Variants in RBM33 observed in about 807,000 individuals in gnomAD.
RBM33 encodes the protein RNA binding motif protein 33, also known as RNA-binding protein 33.
Under a neutral mutation model 132.6 loss-of-function variants are expected in RBM33, and 28 were observed. The observed-to-expected ratio is 0.21, with a 90% CI of 0.16 to 0.29. RBM33 has a LOEUF of 0.29. RBM33 is among the 10% of genes least tolerant of loss of function. The pLI, the probability that RBM33 is intolerant of heterozygous loss-of-function variation, is 1.00. For synonymous variants in RBM33, 634 were observed against 593.0 expected, an observed-to-expected ratio of 1.07 and a Z score of -1.01; for missense variants, 1,291 against 1,518.5, an observed-to-expected ratio of 0.85 and a Z score of 2.49.
chr7:155,659,918 C>G (rs900954722), intron 1 of RBM33, among the ~76,000 whole-genome samples: 2 of 152,198 alleles, frequency 1.3e-5, no homozygotes, highest in African/African-American at 4.8e-5. Flanking sequence ...GGCAGCATAA[C>G]TCAAGTCTTT....
chr7:155,661,145 TA>T (rs71522010), intron 1 of RBM33, among the ~76,000 whole-genome samples: 844 of 75,686 alleles, frequency 0.011, 46 homozygotes, highest in African/African-American at 0.042. Context: ...TATATATATA[TA>T]TTTTTTTTTT....
intron 5 of RBM33, among the ~76,000 whole-genome samples, chr7:155,681,738 C>T (rs2116925209): frequency 6.6e-6 from 1 of 152,086 alleles, no homozygotes; most frequent in South Asian, 2.1e-4. Context: ...AGCCCATTTG[C>T]AATGGGAGTA....
At chr7:155,660,230 C>T (rs896263961) in intron 1 of RBM33, among the ~76,000 whole-genome samples, 10 of 152,136 alleles carry the variant, frequency 6.6e-5, no homozygotes, top group Admixed American at 6.5e-4. Flanking sequence ...TGCACCACCA[C>T]ACCCAGCTAA....
chr7:155,745,206 T>G lies in RBM33; in HGVS notation c.2583T>G (p.Phe861Leu). 1 of 1,612,288 alleles carries G rather than the reference T, an allele frequency of 6.2e-7. No homozygotes were observed. Among genetic ancestry groups the G allele is most frequent in the African/African-American group, 1.3e-5 (1 of 75,010 alleles). The stretch of plus-strand genomic sequence containing the variant: ...CCAACGGTAACCCACTGTTGCCCTT[T>G]CCAGGTGCACAGGTCAGACAAAATG... ...SPTNGNPLLP[F>L]PGAQVRQNVK... The change falls in exon 14 of 18, where the codon TTT (phenylalanine) becomes TTG (leucine). Residue 861 changes from phenylalanine (F) to leucine (L), a missense_variant. Physicochemically the swap from Phe to Leu is conservative, Grantham distance 22 (BLOSUM62 0). This residue lies in a region of RBM33 where 841 missense variants were observed against 912.0 expected (regional missense o/e 0.92). Coordinates refer to ENST00000401878, the MANE Select transcript of RBM33 (RefSeq NM_053043.3). This position sits in a 1 kb window ranked among gnomAD's most constrained non-coding sequence, Gnocchi z 4.1.
chr7:155,725,657 AAG>A (rs1800774365), intron 9 of RBM33, among the ~76,000 whole-genome samples: 1 of 152,170 alleles, frequency 6.6e-6, no homozygotes, highest in Non-Finnish European at 1.5e-5. Flanking sequence ...TGCAGAAATA[AAG>A]AGTTTTTCAT....
intron 6 of RBM33, among the ~76,000 whole-genome samples, chr7:155,704,524 T>A (rs1800059609): frequency 6.6e-6 from 1 of 152,232 alleles, no homozygotes; most frequent in African/African-American, 2.4e-5. Flanking sequence ...GAAGATGGTG[T>A]CACTGACCAG....
At chr7:155,768,963 T>C (rs1466202772) in intron 16 of RBM33, among the ~76,000 whole-genome samples, 1 of 152,224 alleles carries the variant, frequency 6.6e-6, no homozygotes, top group African/African-American at 2.4e-5. Flanking sequence ...TGAGAACTTT[T>C]CTCAGTGTAG....
intron 5 of RBM33, among the ~76,000 whole-genome samples, chr7:155,686,094 T>G (rs1053160328): frequency 2.6e-5 from 4 of 152,194 alleles, no homozygotes; most frequent in African/African-American, 9.7e-5. Flanking sequence ...CGCTCGCTAT[T>G]TGAAATAATT....
At chr7:155,675,216 CCT>C (rs1245609996) in intron 3 of RBM33, among the ~76,000 whole-genome samples, 1 of 149,822 alleles carries the variant, frequency 6.7e-6, no homozygotes, top group Non-Finnish European at 1.5e-5. Context: ...TTTACTTGAA[CCT>C]GGGAGGCGGA....
chr7:155,672,782 A>C, intron 2 of RBM33, 85 bp from the exon 3 acceptor site: 2 of 688,998 alleles, frequency 2.9e-6, no homozygotes, highest in Non-Finnish European at 4.8e-6. Context: ...TGAGCTGTAG[A>C]GTTCTTGGTA....
At position 155,689,262 on chromosome 7, in the gene RBM33, A is replaced by C. The variant is rs1563145094; in HGVS notation, c.567+8354A>C. ...TAGATTTTCTAGTTTATTTGCGTAGAGGTGTTTATAGTATTCTCTGATGGT... is the reference window on the plus strand; with the variant it reads ...TAGATTTTCTAGTTTATTTGCGTAGCGGTGTTTATAGTATTCTCTGATGGT... On this transcript the variant is annotated intron_variant, in intron 5 of 17. Transcript: ENST00000401878. 3.9e-5 allele frequency among the ~76,000 whole-genome samples: 6 copies of C among 152,238 alleles called. 1 individual carries two copies. The highest frequency in any genetic ancestry group is 9.6e-5 in the African/African-American group (4 of 41,544).
At chr7:155,711,133 G>A (rs1171249239) in intron 7 of RBM33, 70 bp from the exon 8 acceptor site, 1 of 1,428,546 alleles carries the variant, frequency 7.0e-7, no homozygotes, top group Non-Finnish European at 9.2e-7. Flanking sequence ...TTTAAATGTT[G>A]ATTTCGGTGA....
chr7:155,761,809 A>G (rs959377862), intron 14 of RBM33, among the ~76,000 whole-genome samples: 12 of 151,510 alleles, frequency 7.9e-5, no homozygotes, highest in Non-Finnish European at 1.8e-4. Context: ...CCTTCCTTCT[A>G]CTTGGGTTTG....
chr7:155,715,638 TC>T (rs1800439560), intron 8 of RBM33, among the ~76,000 whole-genome samples: 3 of 152,228 alleles, frequency 2.0e-5, no homozygotes, highest in South Asian at 4.1e-4. Flanking sequence ...GTGCCGCATG[TC>T]CCTTATCTGT....
chr7:155,700,545 CCTTTTTTTTT>C (rs1178272019), intron 5 of RBM33, among the ~76,000 whole-genome samples: 3 of 82,800 alleles, frequency 3.6e-5, no homozygotes, highest in South Asian at 4.3e-4. Context: ...AAGAATTTGA[CCTTTTTTTTT>C]TTTTTTTTTT....
chr7:155,727,949 T>C (rs1800840509), intron 9 of RBM33, among the ~76,000 whole-genome samples: 1 of 152,110 alleles, frequency 6.6e-6, no homozygotes, highest in Non-Finnish European at 1.5e-5. Flanking sequence ...TGTACTTTTT[T>C]TGTAGAGATA....
In RBM33 at chr7:155,778,917, C is replaced by G. The variant is rs939137954; in HGVS notation, c.*3876C>G. On this transcript the variant is annotated 3_prime_UTR_variant, in exon 18 of 18. Coordinates refer to ENST00000401878, the MANE Select transcript of RBM33 (RefSeq NM_053043.3). The surrounding 1 kb of genome is among the most constrained non-coding windows in gnomAD (Gnocchi z 4.0). ...GCGTGTGTGATGGCAGCATGCTGTG[C>G]CGGCACATCGTGGAGTCCTAGAAAC... 2 of 152,958 alleles carry G rather than the reference C, an allele frequency of 1.3e-5. No individual in the cohort carries two copies. Among genetic ancestry groups the G allele is most frequent in the Admixed American group, 6.6e-5 (1 of 15,266 alleles). 9.5% of individuals were successfully genotyped at this position (152,958 alleles called of 1,614,324 possible). A position where few individuals can be genotyped will look rare whatever the true frequency, so the allele number is the denominator to read the frequency against.
In RBM33 at chr7:155,681,292, T is replaced by G. The variant is rs1383418994; in HGVS notation, c.567+384T>G. Among the ~76,000 whole-genome samples the G allele has an allele frequency of 3.3e-5, 5 of 152,214 alleles. No individual in the cohort carries two copies. In the East Asian group the frequency reaches 9.6e-4, roughly 29 times the overall value. ...AAAGATTATTGACCTGCTAAAGACA[T>G]CTTTAAGGTGCTAATATTCCAGAGT... On this transcript the variant is annotated intron_variant, in intron 5 of 17. Transcript: ENST00000401878.
intron 14 of RBM33, among the ~76,000 whole-genome samples, chr7:155,761,121 G>A (rs764755854): frequency 7.2e-5 from 11 of 152,060 alleles, no homozygotes; most frequent in Non-Finnish European, 1.2e-4. Flanking sequence ...TTGGTTAACC[G>A]GGGGGGTGTT....
Sources: allele counts gnomAD v4.1 joint callset (sites outside exome capture counted in the v4.1 genomes callset), GRCh38; gene constraint gnomAD v4.1.1; regional missense constraint gnomAD v4.1.1; non-coding constraint Gnocchi (gnomAD v3.1); transcripts MANE v1.5; gene names NCBI Gene and HGNC (gene_info 2026-07-23, HGNC 2026-07-21).